Variants in TRIM62 observed in about 807,000 individuals in gnomAD.
TRIM62 encodes the protein E3 ubiquitin-protein ligase TRIM62.
A neutral mutation model predicts 44.2 loss-of-function variants in TRIM62; 39 were observed. The observed-to-expected ratio is 0.88, with a 90% confidence interval of 0.68 to 1.15. TRIM62 has a LOEUF of 1.15. Among genes scored for constraint, TRIM62 ranks in the 50% most tolerant of loss-of-function variants. The pLI is 0.00. For missense variants in TRIM62, 544 were observed against 665.5 expected (o/e 0.82, Z 2.01); for synonymous variants, 278 against 292.3 (o/e 0.95, Z 0.50).
At position 33,181,109 on chromosome 1, in the gene TRIM62, C is replaced by A; in HGVS notation, c.324G>T (p.Ala108=). 6.3e-7 allele frequency: 1 copy of A among 1,599,964 alleles called. No homozygotes were observed. Among genetic ancestry groups the A allele is most frequent in the Non-Finnish European group, 8.5e-7 (1 of 1,178,712 alleles). ...KVKLFCLTDR[A]LLCFFCDEPA... ...GCTCGTCGCAGAAGAAGCAGAGAAG[C>A]GCGCGGTCCGTGAGGCAGAAGAGCT... The change falls in exon 1 of 5, where the codon GCG becomes GCT. Residue 108 remains alanine (A), a synonymous_variant. Transcript: ENST00000291416. This position sits in a 1 kb window ranked among gnomAD's most constrained non-coding sequence, Gnocchi z 6.5.
chr1:33,166,426 G>C lies in TRIM62; in HGVS notation c.409-860C>G, dbSNP rs146780088. ...GGGACCACTGCTCTAAGGAACCAAA[G>C]CTGTACCAGTCCAATGCTACAGACT... On this transcript the variant is annotated intron_variant, in intron 1 of 4. Coordinates refer to ENST00000291416, the MANE Select transcript of TRIM62 (RefSeq NM_018207.3). 79 of 151,230 alleles carry C rather than the reference G, an allele frequency of 5.2e-4. 1 individual carries two copies. Among genetic ancestry groups the C allele is most frequent in the African/African-American group, 1.8e-3 (76 of 41,190 alleles). 9.4% of individuals were successfully genotyped at this position (151,230 alleles called of 1,614,324 possible). A position where few individuals can be genotyped will look rare whatever the true frequency, so the allele number is the denominator to read the frequency against.
intron 4 of TRIM62, among the ~76,000 whole-genome samples, chr1:33,156,462 C>T (rs1645180215): frequency 6.6e-6 from 1 of 152,202 alleles, no homozygotes; most frequent in Non-Finnish European, 1.5e-5. Context: ...CTGTTAGCCA[C>T]TCTCTCCTGG....
intron 4 of TRIM62, among the ~76,000 whole-genome samples, chr1:33,157,517 G>A (rs912977407): frequency 1.3e-5 from 2 of 152,034 alleles, no homozygotes; most frequent in African/African-American, 4.8e-5. Flanking sequence ...TATCTAATAT[G>A]CTCTGTATTT....
intron 4 of TRIM62, among the ~76,000 whole-genome samples, chr1:33,151,896 G>A (rs1413908434): frequency 6.6e-6 from 1 of 152,216 alleles, no homozygotes; most frequent in Non-Finnish European, 1.5e-5. Flanking sequence ...GGCAGTGAGT[G>A]GATTGTGTTT....
Position 33,181,351 on chromosome 1 carries a change from G to T in TRIM62, c.82C>A (p.His28Asn). The T allele has an allele frequency of 6.3e-7, 1 of 1,590,668 alleles. No individual in the cohort carries two copies. ...GTGATGCAGCGGCGGCAGAAGTAAT[G>T]CTCGCAGCCCAGGCTCACCGGGTCC... Reference protein sequence around the residue: ...YQDPVSLGCEHYFCRRCITEH... With the variant: ...YQDPVSLGCENYFCRRCITEH... Residue 28 changes from histidine to asparagine, a missense_variant, in exon 1 of 5, where the codon CAT becomes AAT. By Grantham distance (68) the His-to-Asn change is moderately conservative (BLOSUM62 1). Coordinates refer to ENST00000291416, the MANE Select transcript of TRIM62 (RefSeq NM_018207.3). This position sits in a 1 kb window ranked among gnomAD's most constrained non-coding sequence, Gnocchi z 6.5.
At chr1:33,170,321 TAA>T (rs10717584) in intron 1 of TRIM62, among the ~76,000 whole-genome samples, 353 of 146,312 alleles carry the variant, frequency 2.4e-3, no homozygotes, top group East Asian at 7.1e-3. Flanking sequence ...CCAGTCTCTT[TAA>T]AAAAAAAAAA....
chr1:33,149,535 G>A (rs975371011), intron 4 of TRIM62, among the ~76,000 whole-genome samples: 1 of 152,080 alleles, frequency 6.6e-6, no homozygotes, highest in African/African-American at 2.4e-5. Context: ...GCTCATTGGA[G>A]CCTCCAACTC....
In TRIM62 at chr1:33,146,233, CTTG is replaced by C. The variant is rs1645020510; in HGVS notation, c.*941_*943del. 1 of 222,770 alleles carries C rather than the reference CTTG, an allele frequency of 4.5e-6. No individual in the cohort carries two copies. The highest frequency in any genetic ancestry group is 5.3e-5 in the Admixed American group (1 of 18,828). 13.8% of individuals were successfully genotyped at this position (222,770 alleles called of 1,614,324 possible). A position where few individuals can be genotyped will look rare whatever the true frequency, so the allele number is the denominator to read the frequency against. ...CTAATTAAACCAGCTACAAGTGGCT[CTTG>C]TTTTCTGCAGCAGGATCCTAACTGA... On this transcript the variant is annotated 3_prime_UTR_variant, in exon 5 of 5. Coordinates refer to ENST00000291416, the MANE Select transcript of TRIM62 (RefSeq NM_018207.3).
At position 33,181,008 on chromosome 1, in the gene TRIM62, C is replaced by T; in HGVS notation, c.408+17G>A. 7.6e-7 allele frequency: 1 copy of T among 1,318,782 alleles called. No homozygotes were observed. The highest frequency in any genetic ancestry group is 1.0e-6 in the Non-Finnish European group (1 of 1,003,708). The allele number at this position is 1,318,782 out of a possible 1,614,324, so 81.7% of individuals were successfully genotyped here. On this transcript the variant is annotated intron_variant, in intron 1 of 4. Transcript: ENST00000291416. This position sits in a 1 kb window ranked among gnomAD's most constrained non-coding sequence, Gnocchi z 6.5. The stretch of plus-strand genomic sequence containing the variant: ...AGCCCGGCCCCGCCCCTTCCCCAGG[C>T]AGGCCGGGTAGCGCACCTGCAGCTC...
chr1:33,179,027 C>T (rs914714368), intron 1 of TRIM62, among the ~76,000 whole-genome samples: 1 of 152,244 alleles, frequency 6.6e-6, no homozygotes, highest in Non-Finnish European at 1.5e-5. Context: ...AGCCCTGGCT[C>T]TCTCACTGTC....
intron 4 of TRIM62, among the ~76,000 whole-genome samples, chr1:33,148,498 A>T (rs1211245730): frequency 1.3e-5 from 2 of 152,144 alleles, no homozygotes; most frequent in African/African-American, 2.4e-5. Flanking sequence ...GAGACAACCT[A>T]CCTGTATAGG....
rs1017995159 is a variant in TRIM62 at position 33,165,892 on chromosome 1, G to A, written c.409-326C>T. 10 of 201,824 alleles carry A rather than the reference G, an allele frequency of 5.0e-5. No individual in the cohort carries two copies. Among genetic ancestry groups the A allele is most frequent in the African/African-American group, 2.1e-4 (9 of 43,338 alleles). The allele number at this position is 201,824 out of a possible 1,614,324, so 12.5% of individuals were successfully genotyped here. A position where few individuals can be genotyped will look rare whatever the true frequency, so the allele number is the denominator to read the frequency against. On this transcript the variant is annotated intron_variant, in intron 1 of 4. Coordinates refer to ENST00000291416, the MANE Select transcript of TRIM62 (RefSeq NM_018207.3). The surrounding 1 kb of genome is among the most constrained non-coding windows in gnomAD (Gnocchi z 4.0). ...GGATCCCCGCTTAGAATTAAGGCAG[G>A]GGTCTCCAACCCCCAGGCCACAGGT... is the stretch of plus-strand genomic sequence containing the variant.
Position 33,147,459 on chromosome 1 carries a change from G to A in TRIM62, c.1146C>T (p.Pro382=), listed in dbSNP as rs1437151801. 5 of 1,613,924 alleles carry A rather than the reference G, an allele frequency of 3.1e-6. No individual in the cohort carries two copies. Among genetic ancestry groups the A allele is most frequent in the Non-Finnish European group, 4.2e-6 (5 of 1,180,052 alleles). The change falls in exon 5 of 5, where the codon CCC becomes CCT. Residue 382 remains proline, a synonymous_variant. Transcript: ENST00000291416. This position sits in a 1 kb window ranked among gnomAD's most constrained non-coding sequence, Gnocchi z 8.1. ...ASRKGSIQIQ[P]SRGFYCIVMH... ...TCACGATGCAGTAGAAGCCGCGGCT[G>A]GGCTGGATCTGGATGCTGCCCTTGC...
At chr1:33,170,919 G>GC (rs898996331) in intron 1 of TRIM62, among the ~76,000 whole-genome samples, 1 of 152,190 alleles carries the variant, frequency 6.6e-6, no homozygotes, top group Non-Finnish European at 1.5e-5. Flanking sequence ...ACAGAGCCTG[G>GC]CACACCCTGG....
At chr1:33,158,467 T>C in intron 3 of TRIM62, 99 bp from the exon 4 acceptor site, 3 of 870,560 alleles carry the variant, frequency 3.4e-6, no homozygotes, top group East Asian at 5.0e-5. Flanking sequence ...GCATAGGATG[T>C]GGTCATGAGT....
At chr1:33,151,843 A>G (rs1290238518) in intron 4 of TRIM62, among the ~76,000 whole-genome samples, 1 of 152,240 alleles carries the variant, frequency 6.6e-6, no homozygotes, top group Non-Finnish European at 1.5e-5. Flanking sequence ...CTGCCCAAGC[A>G]GCGGAGAAAG....
At chr1:33,170,935 C>T (rs1398674433) in intron 1 of TRIM62, among the ~76,000 whole-genome samples, 3 of 152,178 alleles carry the variant, frequency 2.0e-5, no homozygotes, top group African/African-American at 7.2e-5. Context: ...CCTGGGTGCT[C>T]GGGAGACAGA....
At chr1:33,157,491 C>G (rs536143826) in intron 4 of TRIM62, among the ~76,000 whole-genome samples, 131 of 152,308 alleles carry the variant, frequency 8.6e-4, no homozygotes, top group African/African-American at 2.8e-3. Flanking sequence ...CAGCCCCCTT[C>G]CTTATTCTTT....
chr1:33,154,667 G>GT (rs1645150016), intron 4 of TRIM62, among the ~76,000 whole-genome samples: 1 of 151,324 alleles, frequency 6.6e-6, no homozygotes, highest in Non-Finnish European at 1.5e-5. Context: ...GTGCAGTGGC[G>GT]TGTGCCTGTA....
Sources: gnomAD v4.1 joint callset for allele counts (sites outside exome capture counted in the v4.1 genomes callset) on GRCh38, gnomAD v4.1.1 for gene constraint, Gnocchi (gnomAD v3.1) non-coding constraint, MANE v1.5 for transcripts, NCBI Gene and HGNC (gene_info 2026-07-23, HGNC 2026-07-21) for gene names.